Variants in SP140L observed in about 807,000 individuals in gnomAD.
SP140L encodes the protein nuclear body protein SP140-like protein.
Under a neutral mutation model 84.3 loss-of-function variants are expected in SP140L, and 64 were observed. The ratio of observed to expected loss-of-function variants is 0.76; its 90% CI spans 0.62 to 0.94. The LOEUF is 0.94. SP140L is among the 40% of genes least tolerant of loss of function. The pLI, the probability that SP140L is intolerant of heterozygous loss-of-function variation, is 0.00. For synonymous variants in SP140L, 242 were observed against 236.9 expected, an observed-to-expected ratio of 1.02 and a Z score of -0.20; for missense variants, 628 against 692.5, an observed-to-expected ratio of 0.91 and a Z score of 1.05.
intron 14 of SP140L, 58 bp from the exon 15 acceptor site, chr2:230,400,069 G>A (rs1575560634): frequency 2.5e-5 from 39 of 1,584,870 alleles, no homozygotes; most frequent in Non-Finnish European, 3.1e-5. Context: ...ATGCCCAGAG[G>A]GGTGGCCTTC....
chr2:230,374,853 TATAAAC>T (rs2061193355), intron 7 of SP140L, among the ~76,000 whole-genome samples: 1 of 152,230 alleles, frequency 6.6e-6, no homozygotes, highest in Non-Finnish European at 1.5e-5. Flanking sequence ...TACAGTATAG[TATAAAC>T]ATAATTTTCA....
Position 230,362,887 on chromosome 2 carries a change from G to GA in SP140L, c.523+1202dup, listed in dbSNP as rs200934291. On this transcript the variant is annotated intron_variant, in intron 5 of 18. Transcript: ENST00000415673. ...AAATTTATGCAGAAAGAAAGATACAGAAAAAAAAAAAAGAATAACATGACT... is the reference window on the plus strand; with the variant it reads ...AAATTTATGCAGAAAGAAAGATACAGAAAAAAAAAAAAAGAATAACATGACT... 6.0e-3 allele frequency among the ~76,000 whole-genome samples: 860 copies of GA among 142,360 alleles called. 3 individuals are homozygous for GA. Among genetic ancestry groups the GA allele is most frequent in the African/African-American group, 0.018 (721 of 39,252 alleles). The allele number at this position is 142,360 out of a possible 152,430, so 93.4% of individuals were successfully genotyped here.
At chr2:230,385,410 A>G in intron 9 of SP140L, 106 bp downstream of exon 9, 1 of 1,020,794 alleles carries the variant, frequency 9.8e-7, no homozygotes, top group East Asian at 2.6e-5. Flanking sequence ...AACTTAGTCA[A>G]TTTCAGAGCA....
chr2:230,334,232 A>G (rs1165400721), intron 2 of SP140L, among the ~76,000 whole-genome samples: 2 of 152,222 alleles, frequency 1.3e-5, no homozygotes, highest in African/African-American at 4.8e-5. Flanking sequence ...GAAAGCATAC[A>G]TGGGCTTACT....
At chr2:230,372,283 C>T (rs1188807823) in intron 7 of SP140L, 1 of 152,570 alleles carries the variant, frequency 6.6e-6, no homozygotes, top group African/African-American at 2.4e-5. Context: ...GTGGCTATCA[C>T]ATATTCCTGA....
chr2:230,393,392 C>A, intron 12 of SP140L, 22 bp from the exon 13 acceptor site: 1 of 1,576,490 alleles, frequency 6.3e-7, no homozygotes, highest in South Asian at 1.2e-5. Context: ...TGACTATGTA[C>A]CTTGGTCTTT....
intron 4 of SP140L, among the ~76,000 whole-genome samples, chr2:230,359,981 C>G (rs1211232015): frequency 6.8e-6 from 1 of 147,546 alleles, no homozygotes; most frequent in Non-Finnish European, 1.5e-5. Context: ...CTATACCAAA[C>G]TAAAGTTTTG....
intron 9 of SP140L, among the ~76,000 whole-genome samples, chr2:230,387,786 A>C (rs1461514207): frequency 1.3e-5 from 2 of 152,208 alleles, no homozygotes; most frequent in Non-Finnish European, 2.9e-5. Context: ...AGTGTCTGCC[A>C]TGTCAATCCT....
intron 11 of SP140L, 133 bp from the exon 12 acceptor site, chr2:230,391,954 G>C: frequency 7.7e-7 from 1 of 1,294,708 alleles, no homozygotes; most frequent in Non-Finnish European, 1.1e-6. Flanking sequence ...TGAAGTCTGA[G>C]AGGGAAGGCC....
intron 5 of SP140L, 110 bp downstream of exon 5, chr2:230,361,807 G>A (rs892268804): frequency 1.3e-6 from 1 of 798,322 alleles, no homozygotes. Flanking sequence ...GAAGACACAG[G>A]GAAGGACCAT....
At chr2:230,339,976 G>T (rs1254332837) in intron 2 of SP140L, among the ~76,000 whole-genome samples, 2 of 150,624 alleles carry the variant, frequency 1.3e-5, no homozygotes, top group African/African-American at 4.9e-5. Context: ...TGTTGATTTG[G>T]GGTGGAGAGT....
chr2:230,361,378 C>G (rs1273095595), intron 4 of SP140L, among the ~76,000 whole-genome samples: 1 of 152,176 alleles, frequency 6.6e-6, no homozygotes, highest in Non-Finnish European at 1.5e-5. Context: ...GGTAACACAG[C>G]TCACTATGTT....
chr2:230,399,190 A>G (rs558292569), intron 14 of SP140L, among the ~76,000 whole-genome samples: 3 of 152,314 alleles, frequency 2.0e-5, no homozygotes, highest in Non-Finnish European at 2.9e-5. Context: ...ATTGGTCTCT[A>G]TATTTGCTCT....
chr2:230,388,577 C>T lies in SP140L; in HGVS notation c.803C>T (p.Pro268Leu). 6.2e-7 allele frequency: 1 copy of T among 1,608,616 alleles called. No individual in the cohort carries two copies. The highest frequency in any genetic ancestry group is 8.5e-7 in the Non-Finnish European group (1 of 1,178,486). Residue 268 changes from proline to leucine, a missense_variant, in exon 10 of 19, where the codon CCT becomes CTT. By Grantham distance (98) the Pro-to-Leu change is moderately conservative. Around this residue, in one of 4 missense-constraint regions of SP140L, gnomAD observed 525 missense variants for 518.4 expected, o/e 1.01. Transcript: ENST00000415673. Reference protein sequence around the residue: ...SKIRGRKRGKPGTHFTQSDRA... With the variant: ...SKIRGRKRGKLGTHFTQSDRA... ...TTCTCAGGGAGAAAGAGAGGCAAAC[C>T]TGGAACCCACTTTACTCAGAGTGAC...
At chr2:230,359,913 C>T (rs1448395287) in intron 4 of SP140L, among the ~76,000 whole-genome samples, 1 of 151,902 alleles carries the variant, frequency 6.6e-6, no homozygotes, top group African/African-American at 2.4e-5. Context: ...CGGACAGGGA[C>T]TATACCAAAT....
chr2:230,363,505 C>T (rs1043070655), intron 5 of SP140L, among the ~76,000 whole-genome samples: 4 of 129,442 alleles, frequency 3.1e-5, no homozygotes, highest in South Asian at 5.6e-4. Flanking sequence ...ACTTTATAAT[C>T]TGTTTATTTG....
At chr2:230,371,510 T>A (rs1254076358) in intron 6 of SP140L, 88 bp from the exon 7 acceptor site, 7 of 1,177,776 alleles carry the variant, frequency 5.9e-6, no homozygotes, top group Non-Finnish European at 8.4e-6. Flanking sequence ...CTTTATAAAC[T>A]CAAGCCTTCT....
chr2:230,365,879 A>AT (rs921183296), intron 5 of SP140L, among the ~76,000 whole-genome samples: 8 of 151,962 alleles, frequency 5.3e-5, no homozygotes, highest in African/African-American at 1.9e-4. Context: ...TAATTTATTC[A>AT]TTGGCCTATT....
intron 2 of SP140L, among the ~76,000 whole-genome samples, chr2:230,350,689 G>A (rs1157505672): frequency 6.6e-6 from 1 of 152,078 alleles, no homozygotes; most frequent in Non-Finnish European, 1.5e-5. Flanking sequence ...TAAGACGTTA[G>A]GGATTGACAA....
Sources: allele counts gnomAD v4.1 joint callset (sites outside exome capture counted in the v4.1 genomes callset), GRCh38; gene constraint gnomAD v4.1.1; regional missense constraint gnomAD v4.1.1; transcripts MANE v1.5; gene names NCBI Gene and HGNC (gene_info 2026-07-23, HGNC 2026-07-21).